RIMS2: variants seen among roughly 807,000 people sequenced by gnomAD.
The protein encoded by RIMS2 is regulating synaptic membrane exocytosis 2, also known as regulating synaptic membrane exocytosis protein 2.
In RIMS2, 59 loss-of-function variants were observed where a neutral mutation model predicts 174.4. That is an observed-to-expected ratio of 0.34 (90% confidence interval 0.27 to 0.42). RIMS2 has a LOEUF of 0.42. Among genes scored for constraint, RIMS2 ranks in the 10% least tolerant of loss-of-function variants. The probability of loss-of-function intolerance (pLI) is 1.00; values close to 1 mark genes in which losing one functional copy is unlikely to be tolerated. For missense variants in RIMS2, 1,620 were observed against 1,666.3 expected (o/e 0.97, Z 0.48); for synonymous variants, 606 against 572.5 (o/e 1.06, Z -0.84).
chr8:103,989,201 A>G (rs1429765678), intron 16 of RIMS2, 104 bp from the exon 19 acceptor site: 2 of 707,080 alleles, frequency 2.8e-6, no homozygotes, highest in Non-Finnish European at 4.9e-6. Context: ...TTTGGACTTC[A>G]CCATATAGTG....
intron 13 of RIMS2, among the ~76,000 whole-genome samples, chr8:103,939,141 G>A (rs941076623): frequency 2.6e-5 from 4 of 152,174 alleles, no homozygotes; most frequent in Admixed American, 6.5e-5. Flanking sequence ...ACTCTGTACC[G>A]GGGCTCTGAC....
chr8:104,037,078 T>C (rs778331117), intron 19 of RIMS2, among the ~76,000 whole-genome samples: 27 of 152,170 alleles, frequency 1.8e-4, no homozygotes, highest in Non-Finnish European at 2.5e-4. Flanking sequence ...TTCACATCAT[T>C]TGGATTGAGA....
chr8:103,957,099 A>C (rs929092903), intron 14 of RIMS2, among the ~76,000 whole-genome samples: 22 of 151,914 alleles, frequency 1.4e-4, no homozygotes, highest in African/African-American at 4.8e-4. Context: ...GTAAGGAAAT[A>C]ACAGATGCTG....
intron 19 of RIMS2, among the ~76,000 whole-genome samples, chr8:104,226,202 G>C (rs543065133): frequency 1.3e-5 from 2 of 152,284 alleles, no homozygotes; most frequent in South Asian, 4.1e-4. Context: ...AAAGAGCACG[G>C]ATCTACTAAC....
chr8:104,251,859 C>CCA (rs1554674736), downstream of RIMS2: 2 of 709,902 alleles, frequency 2.8e-6, no homozygotes, highest in Admixed American at 3.0e-5. Context: ...ACCAGCGTTA[C>CCA]AAAAAAAAAA....
At chr8:104,101,668 GT>G (rs1028196775) in intron 19 of RIMS2, among the ~76,000 whole-genome samples, 45 of 152,176 alleles carry the variant, frequency 3.0e-4, no homozygotes, top group African/African-American at 1.0e-3. Flanking sequence ...TATTTTGTGT[GT>G]GTTAGGAGTA....
intron 14 of RIMS2, among the ~76,000 whole-genome samples, chr8:103,956,676 A>T (rs536189734): frequency 6.6e-6 from 1 of 152,238 alleles, no homozygotes; most frequent in Non-Finnish European, 1.5e-5. Context: ...AATACCATTC[A>T]GGACATTGGC....
chr8:103,538,390 G>A (rs75238398), intron 1 of RIMS2, among the ~76,000 whole-genome samples: 7,318 of 152,110 alleles, frequency 0.048, 585 homozygotes, highest in African/African-American at 0.17. Context: ...ACATGAGTAA[G>A]TTCTTTCCTG....
chr8:104,052,864 C>G (rs1369946780), intron 19 of RIMS2, among the ~76,000 whole-genome samples: 1 of 151,876 alleles, frequency 6.6e-6, no homozygotes, highest in Non-Finnish European at 1.5e-5. Context: ...TAGAATAAAG[C>G]GGAAAGCTAT....
At chr8:103,650,718 G>T (rs371739325) in intron 1 of RIMS2, among the ~76,000 whole-genome samples, 12 of 152,312 alleles carry the variant, frequency 7.9e-5, no homozygotes, top group African/African-American at 2.9e-4. Context: ...TGCTCTGTGG[G>T]GGACCCCTCC....
intron 19 of RIMS2, among the ~76,000 whole-genome samples, chr8:104,212,538 T>A (rs1424534524): frequency 1.3e-5 from 2 of 152,216 alleles, no homozygotes; most frequent in Middle Eastern, 3.2e-3. Flanking sequence ...AAGCTAGTCA[T>A]TGGAACCTTC....
intron 1 of RIMS2, among the ~76,000 whole-genome samples, chr8:103,515,504 A>C (rs1828571323): frequency 6.6e-6 from 1 of 152,190 alleles, no homozygotes; most frequent in Admixed American, 6.5e-5. Flanking sequence ...TTTCATAGAC[A>C]ACAAACTTAG....
intron 1 of RIMS2, among the ~76,000 whole-genome samples, chr8:103,604,019 T>A (rs373289975): frequency 7.4e-5 from 11 of 149,470 alleles, no homozygotes; most frequent in South Asian, 2.1e-4. Flanking sequence ...CCCATTTGTC[T>A]ATTTTGTCTT....
chr8:103,976,015 A>G (rs1367673011), intron 16 of RIMS2: 1 of 152,586 alleles, frequency 6.6e-6, no homozygotes, highest in Non-Finnish European at 1.5e-5. Context: ...ACATATTCAA[A>G]TGTCAGTCTC....
intron 1 of RIMS2, among the ~76,000 whole-genome samples, chr8:103,580,824 A>AG (rs1241385213): frequency 4.4e-5 from 4 of 91,742 alleles, no homozygotes; most frequent in African/African-American, 1.8e-4. Context: ...GAAAGGGAAT[A>AG]CTTTTTTTTT....
intron 15 of RIMS2, among the ~76,000 whole-genome samples, chr8:103,973,169 G>A (rs2093073222): frequency 6.6e-6 from 1 of 152,212 alleles, no homozygotes; most frequent in African/African-American, 2.4e-5. Flanking sequence ...CATCAGAGCA[G>A]AATGTACTAT....
At chr8:103,532,854 G>C (rs113292903) in intron 1 of RIMS2, among the ~76,000 whole-genome samples, 1 of 151,326 alleles carries the variant, frequency 6.6e-6, no homozygotes, top group Non-Finnish European at 1.5e-5. Flanking sequence ...TAAAAGAAGA[G>C]AAACAAAAAA....
At chr8:104,215,124 A>G (rs2099124111) in intron 19 of RIMS2, among the ~76,000 whole-genome samples, 1 of 152,222 alleles carries the variant, frequency 6.6e-6, no homozygotes, top group Non-Finnish European at 1.5e-5. Context: ...AGTCAACTAG[A>G]CAGTTAAGCA....
chr8:103,577,375 A>T lies in RIMS2; in HGVS notation c.176+76313A>T, dbSNP rs940234989. ...AAATGCAAATCAAAACCACAGTGAG[A>T]CACTATTTCAACCAAACACTGATAA... On this transcript the variant is annotated intron_variant, in intron 1 of 23. Transcript: ENST00000504942. Among the ~76,000 whole-genome samples, 19 of 152,228 alleles carry T rather than the reference A, an allele frequency of 1.2e-4. 2 individuals carry two copies. The highest frequency in any genetic ancestry group is 1.1e-3 in the Admixed American group (17 of 15,280).
Sources: allele counts gnomAD v4.1 joint callset (sites outside exome capture counted in the v4.1 genomes callset), GRCh38; gene constraint gnomAD v4.1.1; transcripts MANE v1.5; gene names NCBI Gene and HGNC (gene_info 2026-07-23, HGNC 2026-07-21).